The following RSRC1 variants were observed in gnomAD, a reference collection of about 807,000 sequenced individuals.
RSRC1 encodes the protein arginine and serine rich coiled-coil 1, also known as serine/Arginine-related protein 53.
RSRC1 carries 39 observed loss-of-function variants against 49.1 expected under a neutral mutation model. That is an observed-to-expected ratio of 0.79 (90% CI 0.61 to 1.04). The LOEUF (loss-of-function observed/expected upper bound fraction) is 1.04. RSRC1 is among the 50% of genes least tolerant of loss of function. The pLI, the probability that RSRC1 is intolerant of heterozygous loss-of-function variation, is 0.00. For missense variants in RSRC1, 388 were observed against 402.4 expected (o/e 0.96, Z 0.31); for synonymous variants, 143 against 130.8 (o/e 1.09, Z -0.63).
chr3:158,186,922 C>T (rs1730032), intron 3 of RSRC1, among the ~76,000 whole-genome samples: 99,591 of 151,728 alleles, frequency 0.66, 32,923 homozygotes, highest in East Asian at 0.84. Context: ...CTACTTGTAA[C>T]AAGATAGGGT....
intron 4 of RSRC1, among the ~76,000 whole-genome samples, chr3:158,245,922 T>C (rs1429288096): frequency 6.6e-6 from 1 of 152,238 alleles, no homozygotes; most frequent in Non-Finnish European, 1.5e-5. Context: ...TTTTCCTCCA[T>C]GCCTTTATTT....
intron 6 of RSRC1, among the ~76,000 whole-genome samples, chr3:158,374,923 T>C (rs1182634786): frequency 1.3e-5 from 2 of 152,112 alleles, no homozygotes; most frequent in Non-Finnish European, 2.9e-5. Context: ...TTAAGTGTAC[T>C]TTTTATTGGC....
chr3:158,519,532 T>A (rs1711543518), intron 7 of RSRC1, among the ~76,000 whole-genome samples: 1 of 151,894 alleles, frequency 6.6e-6, no homozygotes, highest in South Asian at 2.1e-4. Context: ...GTAAAGATTA[T>A]AAGCTAAAAA....
chr3:158,118,759 G>A (rs1477876055), intron 1 of RSRC1, among the ~76,000 whole-genome samples: 1 of 152,188 alleles, frequency 6.6e-6, no homozygotes, highest in African/African-American at 2.4e-5. Flanking sequence ...ACAGAAAAAT[G>A]TTATAAATAC....
intron 6 of RSRC1, among the ~76,000 whole-genome samples, chr3:158,450,476 A>G (rs1476185254): frequency 6.6e-6 from 1 of 151,924 alleles, no homozygotes; most frequent in African/African-American, 2.4e-5. Flanking sequence ...ATCATTTCCA[A>G]TATTGGACAT....
rs1716012387 is a variant in RSRC1, at chr3:158,131,354, A to G, written c.320+7363A>G. Among the ~76,000 whole-genome samples, 3 of 151,980 alleles carry G rather than the reference A, an allele frequency of 2.0e-5. No homozygotes were observed. In the South Asian group the frequency reaches 6.2e-4, roughly 32 times the overall value. ...GGATGATTATGGTTTATTTTTGAAT[A>G]CATTTTCGTCTTTTTTTGGTTGTCA... On this transcript the variant is annotated intron_variant, in intron 3 of 9. Transcript: ENST00000611884.
intron 6 of RSRC1, among the ~76,000 whole-genome samples, chr3:158,399,321 A>AT (rs567461731): frequency 1.3e-5 from 1 of 77,686 alleles, no homozygotes. Flanking sequence ...CGCCCGGCTA[A>AT]TTTTTTTTGT....
At position 158,545,267 on chromosome 3, in the gene RSRC1, TCTCAGCTCA is replaced by T. The variant is rs1713285203; in HGVS notation, c.*995_*1003del. The stretch of plus-strand genomic sequence containing the variant: ...CCCATGCTGGAGTGCAGTGGCGCGA[TCTCAGCTCA>T]CTGCAAGCTCCGCCTCCCAGGTTCA... On this transcript the variant is annotated 3_prime_UTR_variant, in exon 10 of 10. Transcript: ENST00000611884. 1 of 139,522 alleles carries T rather than the reference TCTCAGCTCA, an allele frequency of 7.2e-6. No homozygotes were observed. The highest frequency in any genetic ancestry group is 2.3e-4 in the East Asian group (1 of 4,420). 8.6% of individuals were successfully genotyped at this position (139,522 alleles called of 1,614,324 possible).
intron 5 of RSRC1, chr3:158,302,548 G>A (rs1313497632): frequency 7.6e-6 from 1 of 132,136 alleles, no homozygotes. Flanking sequence ...GTTATTAGAT[G>A]TTGCTCCTGA....
intron 4 of RSRC1, among the ~76,000 whole-genome samples, chr3:158,286,231 T>C (rs1317553423): frequency 6.6e-6 from 1 of 152,122 alleles, no homozygotes. Flanking sequence ...ATTCTTGAGG[T>C]TATTGTTTTT....
chr3:158,158,950 A>C (rs1244096202), intron 3 of RSRC1, among the ~76,000 whole-genome samples: 1 of 152,074 alleles, frequency 6.6e-6, no homozygotes, highest in African/African-American at 2.4e-5. Flanking sequence ...AAAAAAAAAA[A>C]AAAAAGAAAT....
In RSRC1 at chr3:158,401,246, A is replaced by G. The variant is rs74803407; in HGVS notation, c.583+46338A>G. On this transcript the variant is annotated intron_variant, in intron 6 of 9. Transcript: ENST00000611884. ...AGACACATGACTGTAACGGGCAGAGATGTCTGATGATTCTTTCTGTGGCTG... is the reference window on the plus strand; with the variant it reads ...AGACACATGACTGTAACGGGCAGAGGTGTCTGATGATTCTTTCTGTGGCTG... Among the ~76,000 whole-genome samples the G allele has an allele frequency of 1.7e-3, 255 of 152,112 alleles. 2 individuals are homozygous for G. Among genetic ancestry groups the G allele is most frequent in the African/African-American group, 6.0e-3 (250 of 41,534 alleles).
At chr3:158,318,682 A>C (rs988718964) in intron 5 of RSRC1, among the ~76,000 whole-genome samples, 1 of 152,156 alleles carries the variant, frequency 6.6e-6, no homozygotes, top group African/African-American at 2.4e-5. Context: ...TGTATGTGTA[A>C]AGTATTTCCC....
intron 6 of RSRC1, among the ~76,000 whole-genome samples, chr3:158,388,930 C>T (rs576874458): frequency 6.6e-6 from 1 of 152,100 alleles, no homozygotes; most frequent in East Asian, 1.9e-4. Flanking sequence ...TTAATATGAC[C>T]CTTACCCCTT....
chr3:158,159,940 TGA>T (rs1380216483), intron 3 of RSRC1, among the ~76,000 whole-genome samples: 1 of 152,194 alleles, frequency 6.6e-6, no homozygotes, highest in Non-Finnish European at 1.5e-5. Flanking sequence ...TGCGTGTGTG[TGA>T]GTGTTTGATC....
chr3:158,146,750 A>T (rs1411407441), intron 3 of RSRC1, among the ~76,000 whole-genome samples: 4 of 152,114 alleles, frequency 2.6e-5, no homozygotes, highest in Non-Finnish European at 1.5e-5. Flanking sequence ...CTGTGAATCC[A>T]TCTGGTCCTG....
At chr3:158,334,683 G>GTGTGTA (rs1578352998) in intron 5 of RSRC1, among the ~76,000 whole-genome samples, 1 of 150,748 alleles carries the variant, frequency 6.6e-6, no homozygotes, top group East Asian at 2.0e-4. Flanking sequence ...GTGTGTGTGT[G>GTGTGTA]TGTATGTGTT....
At chr3:158,320,267 T>C (rs909914012) in intron 5 of RSRC1, among the ~76,000 whole-genome samples, 2 of 152,182 alleles carry the variant, frequency 1.3e-5, no homozygotes, top group Non-Finnish European at 1.5e-5. Context: ...TCTGGAATAC[T>C]TACACACTAG....
At chr3:158,449,524 C>T (rs1171240025) in intron 6 of RSRC1, among the ~76,000 whole-genome samples, 1 of 151,954 alleles carries the variant, frequency 6.6e-6, no homozygotes, top group Non-Finnish European at 1.5e-5. Context: ...GTTGCCCAAT[C>T]TTATTCCACT....
Sources: gnomAD v4.1 joint callset for allele counts (sites outside exome capture counted in the v4.1 genomes callset) on GRCh38, gnomAD v4.1.1 for gene constraint, MANE v1.5 for transcripts, NCBI Gene and HGNC (gene_info 2026-07-23, HGNC 2026-07-21) for gene names.